Variants in PPP3R1 observed in about 807,000 individuals in gnomAD.
PPP3R1 encodes the protein protein phosphatase 3 regulatory subunit B, alpha.
Under a neutral mutation model 22.6 loss-of-function variants are expected in PPP3R1, and 5 were observed. The observed-to-expected ratio is 0.22, with a 90% CI of 0.12 to 0.46. The LOEUF (loss-of-function observed/expected upper bound fraction) is 0.46, where lower values mean the gene tolerates loss of function less well. Ranked by LOEUF, PPP3R1 falls within the 20% of genes least tolerant of loss-of-function variation. The pLI, the probability that PPP3R1 is intolerant of heterozygous loss-of-function variation, is 0.99. For missense variants in PPP3R1, 61 were observed against 203.2 expected, an observed-to-expected ratio of 0.30 and a Z score of 4.25; for synonymous variants, 56 against 65.2, an observed-to-expected ratio of 0.86 and a Z score of 0.68.
chr2:68,186,660 AAAGG>A lies in PPP3R1; in HGVS notation c.281-12_281-9del, dbSNP rs1490324893. On this transcript the variant is annotated splice_polypyrimidine_tract_variant and intron_variant, in intron 4 of 5. Coordinates refer to ENST00000234310, the MANE Select transcript of PPP3R1 (RefSeq NM_000945.4). The stretch of plus-strand genomic sequence containing the variant: ...CATAGATACGGAAAGCAACTAAAAA[AAAGG>A]AAGGAAAATCAATTCCAATTACAAA... 6.3e-7 allele frequency: 1 copy of A among 1,589,934 alleles called. No homozygotes were observed.
chr2:68,193,806 T>C (rs1173615696), intron 2 of PPP3R1, among the ~76,000 whole-genome samples: 1 of 152,150 alleles, frequency 6.6e-6, no homozygotes, highest in Non-Finnish European at 1.5e-5. Flanking sequence ...GTTAGCACCA[T>C]TAAATTTAGT....
chr2:68,194,495 A>T (rs1160970682), intron 2 of PPP3R1, among the ~76,000 whole-genome samples: 1 of 152,118 alleles, frequency 6.6e-6, no homozygotes, highest in Non-Finnish European at 1.5e-5. Context: ...TAGAAATAGA[A>T]GGTTACATAT....
intron 4 of PPP3R1, 50 bp downstream of exon 4, chr2:68,187,205 T>A (rs1293945099): frequency 7.2e-7 from 1 of 1,384,642 alleles, no homozygotes; most frequent in Non-Finnish European, 1.0e-6. Context: ...TAATACAGTA[T>A]GAAATGATGG....
chr2:68,251,404 G>A (rs1237551650), intron 1 of PPP3R1, among the ~76,000 whole-genome samples: 2 of 152,240 alleles, frequency 1.3e-5, no homozygotes, highest in Non-Finnish European at 2.9e-5. Context: ...AGTAACGGAA[G>A]CATGAAAAAT....
At chr2:68,187,202 G>T in intron 4 of PPP3R1, 53 bp downstream of exon 4, 1 of 1,351,520 alleles carries the variant, frequency 7.4e-7, no homozygotes, top group Non-Finnish European at 1.0e-6. Context: ...CTATAATACA[G>T]TATGAAATGA....
intron 1 of PPP3R1, among the ~76,000 whole-genome samples, chr2:68,231,340 C>T (rs1005236269): frequency 6.6e-6 from 1 of 151,864 alleles, no homozygotes; most frequent in African/African-American, 2.4e-5. Flanking sequence ...TTTATGTCTT[C>T]TATTTCTTTG....
chr2:68,232,151 A>G lies in PPP3R1; in HGVS notation c.4-15020T>C, dbSNP rs1225860879. Reference sequence around the variant, plus strand: ...CACACACACACACATATATATGTATATATATATACATATATAAATACATAT... The same window carrying G: ...CACACACACACACATATATATGTATGTATATATACATATATAAATACATAT... On this transcript the variant is annotated intron_variant, in intron 1 of 5. Transcript: ENST00000234310. 5.3e-5 allele frequency among the ~76,000 whole-genome samples: 7 copies of G among 131,174 alleles called. No homozygotes were observed. The East Asian group carries it at 8.9e-4, about 17-fold the overall frequency. 86.1% of individuals were successfully genotyped at this position (131,174 alleles called of 152,430 possible).
intron 1 of PPP3R1, among the ~76,000 whole-genome samples, chr2:68,241,159 A>G (rs1670122832): frequency 6.6e-6 from 1 of 151,820 alleles, no homozygotes; most frequent in Non-Finnish European, 1.5e-5. Flanking sequence ...CAGATGCTCA[A>G]GTCCCTGATA....
chr2:68,207,636 T>C (rs1168044430), intron 2 of PPP3R1, among the ~76,000 whole-genome samples: 2 of 152,164 alleles, frequency 1.3e-5, no homozygotes, highest in Non-Finnish European at 2.9e-5. Flanking sequence ...CTTCTGTTCT[T>C]TGACTGAGAA....
intron 1 of PPP3R1, among the ~76,000 whole-genome samples, chr2:68,230,150 G>GC (rs1223553863): frequency 6.6e-6 from 1 of 152,030 alleles, no homozygotes; most frequent in African/African-American, 2.4e-5. Context: ...TCGCCACCGT[G>GC]CCCAGCTAAT....
chr2:68,223,277 T>C (rs931954494), intron 1 of PPP3R1, among the ~76,000 whole-genome samples: 2 of 152,018 alleles, frequency 1.3e-5, no homozygotes, highest in Non-Finnish European at 2.9e-5. Flanking sequence ...ACCTGTACAA[T>C]CCCAGCTACT....
chr2:68,193,489 C>G (rs1200598798), intron 2 of PPP3R1, among the ~76,000 whole-genome samples: 1 of 152,040 alleles, frequency 6.6e-6, no homozygotes, highest in African/African-American at 2.4e-5. Context: ...ACCTAAATAT[C>G]CAGAATATTT....
intron 2 of PPP3R1, among the ~76,000 whole-genome samples, chr2:68,210,809 T>C (rs1669462955): frequency 6.6e-6 from 1 of 152,156 alleles, no homozygotes; most frequent in Non-Finnish European, 1.5e-5. Flanking sequence ...AAATCCAAAA[T>C]GTTCTGAAAT....
At chr2:68,251,813 G>A (rs1670364761) in intron 1 of PPP3R1, among the ~76,000 whole-genome samples, 1 of 150,158 alleles carries the variant, frequency 6.7e-6, no homozygotes, top group African/African-American at 2.4e-5. Context: ...ATGGTCAGCG[G>A]TGCCCGCGGG....
rs532670732 is a variant in PPP3R1 at position 68,191,813 on chromosome 2, GA to G, written c.44-3124del. Among the ~76,000 whole-genome samples, 14 of 152,150 alleles carry G rather than the reference GA, an allele frequency of 9.2e-5. No homozygotes were observed. In the South Asian group the frequency reaches 2.9e-3, roughly 32 times the overall value. On this transcript the variant is annotated intron_variant, in intron 2 of 5. Coordinates refer to ENST00000234310, the MANE Select transcript of PPP3R1 (RefSeq NM_000945.4). ...ATTAAAGAGTATTCCTTCTTTAATG[GA>G]ATATGTGACATAACTGCAAACTGTT...
chr2:68,221,724 AT>A (rs1669691625), intron 1 of PPP3R1, among the ~76,000 whole-genome samples: 1 of 152,158 alleles, frequency 6.6e-6, no homozygotes, highest in Admixed American at 6.5e-5. Context: ...GACACAGAAA[AT>A]CTTAAATATA....
intron 1 of PPP3R1, among the ~76,000 whole-genome samples, chr2:68,222,093 TG>T (rs1312916033): frequency 1.3e-5 from 2 of 152,210 alleles, no homozygotes; most frequent in Non-Finnish European, 2.9e-5. Flanking sequence ...ATTTTTCTCA[TG>T]TTTAAATGTC....
intron 2 of PPP3R1, among the ~76,000 whole-genome samples, chr2:68,209,593 A>G (rs1309729038): frequency 1.3e-5 from 2 of 151,792 alleles, no homozygotes; most frequent in African/African-American, 4.8e-5. Context: ...ACTCTACAAA[A>G]AAATGTTTAA....
At chr2:68,187,393 C>A in intron 3 of PPP3R1, 79 bp from the exon 4 acceptor site, 1 of 1,232,030 alleles carries the variant, frequency 8.1e-7, no homozygotes, top group Non-Finnish European at 1.2e-6. Flanking sequence ...TACATACCCA[C>A]AAAAGGATAT....
Sources: allele counts gnomAD v4.1 joint callset (sites outside exome capture counted in the v4.1 genomes callset), GRCh38; gene constraint gnomAD v4.1.1; transcripts MANE v1.5; gene names NCBI Gene and HGNC (gene_info 2026-07-23, HGNC 2026-07-21).